SAMD4A: variants seen among roughly 807,000 people sequenced by gnomAD.
The protein encoded by SAMD4A is protein Smaug homolog 1.
In SAMD4A, 33 loss-of-function variants were observed where a neutral mutation model predicts 81.3. The observed-to-expected ratio is 0.41, with a 90% CI of 0.31 to 0.54. The LOEUF (loss-of-function observed/expected upper bound fraction) is 0.54, where lower values mean the gene tolerates loss of function less well. Ranked by LOEUF, SAMD4A falls within the 20% of genes least tolerant of loss-of-function variation. The pLI is 0.37. For missense variants in SAMD4A, 854 were observed against 951.1 expected (o/e 0.90, Z 1.34); for synonymous variants, 389 against 382.1 (o/e 1.02, Z -0.21).
In SAMD4A at chr14:54,760,349, A is replaced by G. The variant is rs199871855; in HGVS notation, c.1365A>G (p.Ala455=). The part of the protein sequence containing the change: ...SQSPDCKDGA[A]ATGATATPSA... ...GCCCCGACTGCAAAGATGGGGCCGC[A>G]GCCACTGGCGCCACGGCCACCCCCT... Residue 455 remains alanine, a synonymous_variant, in exon 7 of 13, where the codon GCA becomes GCG. Coordinates refer to ENST00000554335, the MANE Select transcript of SAMD4A (RefSeq NM_015589.6). 10 of 1,589,716 alleles carry G rather than the reference A, an allele frequency of 6.3e-6. No homozygotes were observed. In the African/African-American group the frequency reaches 1.1e-4, roughly 17 times the overall value.
chr14:54,693,692 C>T (rs1566588854), intron 2 of SAMD4A: 2 of 152,252 alleles, frequency 1.3e-5, no homozygotes, highest in African/African-American at 4.8e-5. Context: ...CAAAAAAAAA[C>T]TGTAATTAAG....
intron 2 of SAMD4A, among the ~76,000 whole-genome samples, chr14:54,612,109 T>C (rs1300527390): frequency 6.6e-6 from 1 of 152,194 alleles, no homozygotes; most frequent in African/African-American, 2.4e-5. Context: ...ATTTATTTAC[T>C]GCAGTGGATT....
chr14:54,621,356 G>T (rs1454647143), intron 2 of SAMD4A, among the ~76,000 whole-genome samples: 1 of 151,864 alleles, frequency 6.6e-6, no homozygotes. Flanking sequence ...TGTTTGTTTT[G>T]TTTTGTGTTT....
At chr14:54,612,548 C>T (rs2034386712) in intron 2 of SAMD4A, among the ~76,000 whole-genome samples, 1 of 152,090 alleles carries the variant, frequency 6.6e-6, no homozygotes, top group African/African-American at 2.4e-5. Flanking sequence ...AGTTTAATTA[C>T]TGTAGAAGCC....
rs59110762 is a variant in SAMD4A at position 54,675,367 on chromosome 14, C to CA, written c.197-26675dup. 9.1e-3 allele frequency among the ~76,000 whole-genome samples: 683 copies of CA among 75,344 alleles called. 23 individuals are homozygous for CA. Among genetic ancestry groups the CA allele is most frequent in the African/African-American group, 0.029 (602 of 20,872 alleles). The allele number at this position is 75,344 out of a possible 152,430, so 49.4% of individuals were successfully genotyped here. ...GGCAACAAGAGTGAAACTCCGTCTC[C>CA]AAAAAAAAAAAAAAAAAAAAGGCAG... is the stretch of plus-strand genomic sequence containing the variant. On this transcript the variant is annotated intron_variant, in intron 2 of 12. Coordinates refer to ENST00000554335, the MANE Select transcript of SAMD4A (RefSeq NM_015589.6).
intron 2 of SAMD4A, among the ~76,000 whole-genome samples, chr14:54,679,881 T>C (rs1346738104): frequency 6.6e-6 from 1 of 152,238 alleles, no homozygotes; most frequent in African/African-American, 2.4e-5. Flanking sequence ...GTAATACTTC[T>C]GTTTGAAAGT....
intron 2 of SAMD4A, among the ~76,000 whole-genome samples, chr14:54,602,323 TACAC>T (rs3049830): frequency 0.13 from 17,116 of 136,044 alleles, 1,200 homozygotes; most frequent in East Asian, 0.26. Context: ...TGCTTTAAAA[TACAC>T]ACACACACAC....
At chr14:54,697,006 T>C (rs2036593437) in intron 2 of SAMD4A, 2 of 152,182 alleles carry the variant, frequency 1.3e-5, no homozygotes, top group South Asian at 4.1e-4. Flanking sequence ...TAATTGAAAA[T>C]TCTGAGGATT....
chr14:54,575,447 C>T (rs1043808002), intron 2 of SAMD4A, among the ~76,000 whole-genome samples: 1 of 152,194 alleles, frequency 6.6e-6, no homozygotes, highest in Admixed American at 6.5e-5. Flanking sequence ...TTCTGAGTCT[C>T]TCTACAGTTT....
rs554364066 is a variant in SAMD4A at position 54,713,587 on chromosome 14, A to G, written c.715+11007A>G. Among the ~76,000 whole-genome samples the G allele has an allele frequency of 5.9e-5, 9 of 152,340 alleles. No individual in the cohort carries two copies. In the South Asian group the frequency reaches 1.9e-3, roughly 32 times the overall value. On this transcript the variant is annotated intron_variant, in intron 3 of 12. Coordinates refer to ENST00000554335, the MANE Select transcript of SAMD4A (RefSeq NM_015589.6). ...ACAAATTCCATGGCTAGAGCTAGACAGTGAAGCCAATGGGAGCACAGGGTT... is the reference window on the plus strand; with the variant it reads ...ACAAATTCCATGGCTAGAGCTAGACGGTGAAGCCAATGGGAGCACAGGGTT...
intron 2 of SAMD4A, among the ~76,000 whole-genome samples, chr14:54,676,702 A>T (rs1478236492): frequency 6.6e-6 from 1 of 152,214 alleles, no homozygotes; most frequent in African/African-American, 2.4e-5. Context: ...TTCTTTCAGT[A>T]TATTTCCACC....
At chr14:54,787,056 G>A (rs1566641501) in intron 12 of SAMD4A, among the ~76,000 whole-genome samples, 1 of 152,200 alleles carries the variant, frequency 6.6e-6, no homozygotes, top group Non-Finnish European at 1.5e-5. Context: ...CCTTCCAGGT[G>A]CCAGGAAAGA....
At chr14:54,616,713 CTT>C in intron 2 of SAMD4A, among the ~76,000 whole-genome samples, 1 of 152,274 alleles carries the variant, frequency 6.6e-6, no homozygotes, top group African/African-American at 2.4e-5. Flanking sequence ...TAGAATTAAA[CTT>C]ATTGATTTAT....
At chr14:54,570,312 C>T (rs1227664385) in intron 2 of SAMD4A, among the ~76,000 whole-genome samples, 2 of 152,066 alleles carry the variant, frequency 1.3e-5, no homozygotes, top group Admixed American at 6.6e-5. Context: ...TCTGCATATC[C>T]GGAAACTAGC....
chr14:54,748,213 A>C (rs1022973943), intron 4 of SAMD4A, among the ~76,000 whole-genome samples: 1 of 152,150 alleles, frequency 6.6e-6, no homozygotes, highest in African/African-American at 2.4e-5. Flanking sequence ...CCTTTTTCCC[A>C]TTCAGGTATA....
intron 2 of SAMD4A, among the ~76,000 whole-genome samples, chr14:54,658,709 G>A (rs1213064567): frequency 7.9e-5 from 12 of 152,156 alleles, no homozygotes; most frequent in South Asian, 2.1e-4. Flanking sequence ...GAACTTCTCC[G>A]AATACCGTGT....
At chr14:54,641,504 G>A (rs998686120) in intron 2 of SAMD4A, among the ~76,000 whole-genome samples, 7 of 151,962 alleles carry the variant, frequency 4.6e-5, no homozygotes, top group South Asian at 4.2e-4. Flanking sequence ...CACTACACTC[G>A]TGCGTTCACT....
In SAMD4A at chr14:54,758,633, C is replaced by T. The variant is rs112266192; in HGVS notation, c.1177-1528C>T. Among the ~76,000 whole-genome samples, 312 of 152,286 alleles carry T rather than the reference C, an allele frequency of 2.0e-3. 1 individual carries two copies. Among genetic ancestry groups the T allele is most frequent in the African/African-American group, 7.1e-3 (297 of 41,570 alleles). Reference sequence around the variant, plus strand: ...CCACCTGGGGTCAGAAGTTCAAGACCGGCCTGGCCAACATGGTGAAACCCC... The same window carrying T: ...CCACCTGGGGTCAGAAGTTCAAGACTGGCCTGGCCAACATGGTGAAACCCC... On this transcript the variant is annotated intron_variant, in intron 6 of 12. Coordinates refer to ENST00000554335, the MANE Select transcript of SAMD4A (RefSeq NM_015589.6).
At chr14:54,608,468 A>C (rs999421293) in intron 2 of SAMD4A, among the ~76,000 whole-genome samples, 8 of 152,194 alleles carry the variant, frequency 5.3e-5, no homozygotes, top group Non-Finnish European at 1.0e-4. Context: ...ATATGTATTG[A>C]AAGGAAATGG....
Sources: gnomAD v4.1 joint callset for allele counts (sites outside exome capture counted in the v4.1 genomes callset) on GRCh38, gnomAD v4.1.1 for gene constraint, MANE v1.5 for transcripts, NCBI Gene and HGNC (gene_info 2026-07-23, HGNC 2026-07-21) for gene names.